MAP2K5: variants seen among roughly 807,000 people sequenced by gnomAD.
MAP2K5 encodes mitogen-activated protein kinase kinase 5, also known as dual specificity mitogen-activated protein kinase kinase 5.
Under a neutral mutation model 83.1 loss-of-function variants are expected in MAP2K5, and 49 were observed. The ratio of observed to expected loss-of-function variants is 0.59; its 90% CI spans 0.47 to 0.75. The LOEUF (loss-of-function observed/expected upper bound fraction) is 0.75. Ranked by LOEUF, MAP2K5 falls within the 30% of genes least tolerant of loss-of-function variation. MAP2K5 has a pLI of 0.00. For synonymous variants in MAP2K5, 202 were observed against 191.8 expected (o/e 1.05, Z -0.44); for missense variants, 457 against 557.5 (o/e 0.82, Z 1.82).
chr15:67,755,648 T>C lies in MAP2K5; in HGVS notation c.1134+7047T>C, dbSNP rs924622857. 1.3e-5 allele frequency among the ~76,000 whole-genome samples: 2 copies of C among 152,194 alleles called. No homozygotes were observed. Among genetic ancestry groups the C allele is most frequent in the Non-Finnish European group, 2.9e-5 (2 of 68,030 alleles). ...AGATGATTGTCCCTATTCATAATGA[T>C]TCTTTTTAGTACCACCATAATGATG... On this transcript the variant is annotated intron_variant, in intron 19 of 21. Coordinates refer to ENST00000178640, the MANE Select transcript of MAP2K5 (RefSeq NM_145160.3). This position sits in a 1 kb window ranked among gnomAD's most constrained non-coding sequence, Gnocchi z 4.7.
At chr15:67,634,546 TACTC>T (rs1389459099) in intron 9 of MAP2K5, among the ~76,000 whole-genome samples, 3 of 152,226 alleles carry the variant, frequency 2.0e-5, no homozygotes, top group Admixed American at 6.5e-5. Flanking sequence ...GGTGTTGAAA[TACTC>T]AACAATAATT....
At position 67,804,387 on chromosome 15, in the gene MAP2K5, G is replaced by C. The variant is rs2090760119; in HGVS notation, c.1243-2259G>C. On this transcript the variant is annotated intron_variant, in intron 21 of 21. Coordinates refer to ENST00000178640, the MANE Select transcript of MAP2K5 (RefSeq NM_145160.3). ...GTGGGTCCAGGTCGCTTCCCTTGCA[G>C]GTGGGGTAAAGTATCGGGGATACAA... Among the ~76,000 whole-genome samples, 4 of 152,232 alleles carry C rather than the reference G, an allele frequency of 2.6e-5. No homozygotes were observed. The South Asian group carries it at 8.3e-4, about 32-fold the overall frequency.
chr15:67,728,354 CTAGGCAAATATA>C (rs1205363256), intron 17 of MAP2K5, among the ~76,000 whole-genome samples: 30 of 152,162 alleles, frequency 2.0e-4, no homozygotes, highest in Admixed American at 7.2e-4. Flanking sequence ...ATTATTTTTG[CTAGGCAAATATA>C]TAGGCCCCCA....
intron 13 of MAP2K5, among the ~76,000 whole-genome samples, chr15:67,686,646 A>G (rs1233802291): frequency 6.7e-6 from 1 of 150,302 alleles, no homozygotes; most frequent in Non-Finnish European, 1.5e-5. Flanking sequence ...TAATAATAAC[A>G]TGTTGTAGGG....
chr15:67,712,906 G>C (rs1193799401), intron 16 of MAP2K5, among the ~76,000 whole-genome samples: 1 of 150,778 alleles, frequency 6.6e-6, no homozygotes, highest in Non-Finnish European at 1.5e-5. Flanking sequence ...GACAGAGCAG[G>C]CTGTCTCAAA....
In MAP2K5 at chr15:67,552,468, T is replaced by A. The variant is rs1288008837; in HGVS notation, c.184+2386T>A. On this transcript the variant is annotated intron_variant, in intron 2 of 21. Coordinates refer to ENST00000178640, the MANE Select transcript of MAP2K5 (RefSeq NM_145160.3). This position sits in a 1 kb window ranked among gnomAD's most constrained non-coding sequence, Gnocchi z 4.2. The stretch of plus-strand genomic sequence containing the variant: ...TTATTTTTTTGAGACAGAGTATTGC[T>A]CTGTTGCCCAGGCTGGAGTGCAGTG... 6.6e-6 allele frequency among the ~76,000 whole-genome samples: 1 copy of A among 152,168 alleles called. No individual in the cohort carries two copies. Among genetic ancestry groups the A allele is most frequent in the East Asian group, 1.9e-4 (1 of 5,198 alleles).
rs2090098772 is a variant in MAP2K5 at position 67,769,340 on chromosome 15, C to A, written c.1135-262C>A. On this transcript the variant is annotated intron_variant, in intron 19 of 21. Transcript: ENST00000178640. This position sits in a 1 kb window ranked among gnomAD's most constrained non-coding sequence, Gnocchi z 5.2. ...TACACTTTCCCTACCTTCTCTCCTA[C>A]CCTGTGGCTATCATTGTCCTTTTTT... Among the ~76,000 whole-genome samples, 1 of 152,216 alleles carries A rather than the reference C, an allele frequency of 6.6e-6. No homozygotes were observed. Among genetic ancestry groups the A allele is most frequent in the Non-Finnish European group, 1.5e-5 (1 of 68,040 alleles).
Position 67,719,124 on chromosome 15 carries a change from C to G in MAP2K5, c.1045-8792C>G, listed in dbSNP as rs1043660924. Among the ~76,000 whole-genome samples the G allele has an allele frequency of 2.0e-5, 3 of 152,098 alleles. No homozygotes were observed. Among genetic ancestry groups the G allele is most frequent in the African/African-American group, 7.2e-5 (3 of 41,390 alleles). Reference sequence around the variant, plus strand: ...CTCCATGAGTTCAATTCATTTAATTCTAATCTTTTTCTTCCTTGGCAACCT... The same window carrying G: ...CTCCATGAGTTCAATTCATTTAATTGTAATCTTTTTCTTCCTTGGCAACCT... On this transcript the variant is annotated intron_variant, in intron 16 of 21. Coordinates refer to ENST00000178640, the MANE Select transcript of MAP2K5 (RefSeq NM_145160.3). This position sits in a 1 kb window ranked among gnomAD's most constrained non-coding sequence, Gnocchi z 4.6.
chr15:67,732,293 G>T (rs540688429), intron 17 of MAP2K5, among the ~76,000 whole-genome samples: 1 of 152,196 alleles, frequency 6.6e-6, no homozygotes, highest in African/African-American at 2.4e-5. Flanking sequence ...GAAAAGGATT[G>T]CCTGCTAAAA....
chr15:67,763,648 A>AT (rs34984883), intron 19 of MAP2K5, among the ~76,000 whole-genome samples: 16,459 of 147,504 alleles, frequency 0.11, 989 homozygotes, highest in South Asian at 0.18. Flanking sequence ...TGTTTTTTAG[A>AT]TTTTTTTTTT....
rs187481505 is a variant in MAP2K5, at chr15:67,686,081, G to A, written c.848-6398G>A. On this transcript the variant is annotated intron_variant, in intron 13 of 21. Coordinates refer to ENST00000178640, the MANE Select transcript of MAP2K5 (RefSeq NM_145160.3). The stretch of plus-strand genomic sequence containing the variant: ...GCCCAGCTAACCCAAAAGAAAGCAG[G>A]AAAAGAAGAGAAAAAGGAACAAAGG... Among the ~76,000 whole-genome samples the A allele has an allele frequency of 2.6e-5, 4 of 152,214 alleles. No homozygotes were observed. In the East Asian group the frequency reaches 7.7e-4, roughly 29 times the overall value.
chr15:67,592,371 A>G (rs910939945), intron 6 of MAP2K5, among the ~76,000 whole-genome samples: 13 of 152,100 alleles, frequency 8.5e-5, no homozygotes, highest in African/African-American at 1.9e-4. Flanking sequence ...TATTTTCCCC[A>G]TTTTACAGAA....
intron 7 of MAP2K5, among the ~76,000 whole-genome samples, chr15:67,598,132 G>T (rs1279363984): frequency 1.3e-5 from 2 of 151,918 alleles, no homozygotes; most frequent in Non-Finnish European, 2.9e-5. Flanking sequence ...TTGAACTTGA[G>T]ATGTGGAGTT....
intron 15 of MAP2K5, among the ~76,000 whole-genome samples, chr15:67,700,710 T>C (rs1203826155): frequency 6.6e-6 from 1 of 152,122 alleles, no homozygotes; most frequent in African/African-American, 2.4e-5. Flanking sequence ...CCAATCCCTA[T>C]CCACCTTAAG....
intron 8 of MAP2K5, among the ~76,000 whole-genome samples, chr15:67,613,785 G>A (rs748491885): frequency 1.4e-4 from 22 of 151,776 alleles, no homozygotes; most frequent in Admixed American, 9.9e-4. Context: ...GTTTTTAATG[G>A]AAACGGGTTA....
chr15:67,771,128 GTAA>G (rs2090132713), intron 20 of MAP2K5, among the ~76,000 whole-genome samples: 1 of 992 alleles, frequency 1.0e-3, no homozygotes, highest in Non-Finnish European at 2.4e-3. Context: ...AAAACACATG[GTAA>G]TGTGTACCAT....
intron 17 of MAP2K5, among the ~76,000 whole-genome samples, chr15:67,741,812 T>C (rs12905397): frequency 0.39 from 60,027 of 152,038 alleles, 13,894 homozygotes; most frequent in Non-Finnish European, 0.54. Context: ...TATGAAGAGC[T>C]GTCATTAAAC....
rs1567331722 is a variant in MAP2K5 at position 67,644,493 on chromosome 15, A to T, written c.586-1738A>T. Among the ~76,000 whole-genome samples the T allele has an allele frequency of 6.6e-6, 1 of 152,206 alleles. No homozygotes were observed. Among genetic ancestry groups the T allele is most frequent in the Non-Finnish European group, 1.5e-5 (1 of 68,028 alleles). On this transcript the variant is annotated intron_variant, in intron 9 of 21. Transcript: ENST00000178640. This position sits in a 1 kb window ranked among gnomAD's most constrained non-coding sequence, Gnocchi z 4.6. ...GTATGGTCTTCTTTCTTAAAAAAAT[A>T]TGTGTTTGAAATAAACTAGAATTTA...
chr15:67,584,060 G>A (rs561695239), intron 4 of MAP2K5, among the ~76,000 whole-genome samples: 183 of 152,248 alleles, frequency 1.2e-3, no homozygotes, highest in African/African-American at 4.3e-3. Context: ...TAATTCTGAT[G>A]TAATAACATG....
Sources: gnomAD v4.1 joint callset for allele counts (sites outside exome capture counted in the v4.1 genomes callset) on GRCh38, gnomAD v4.1.1 for gene constraint, Gnocchi (gnomAD v3.1) non-coding constraint, MANE v1.5 for transcripts, NCBI Gene and HGNC (gene_info 2026-07-23, HGNC 2026-07-21) for gene names.